The following RIN3 variants were observed in gnomAD, a reference collection of about 807,000 sequenced individuals.
The protein encoded by RIN3 is RAB5 interacting protein 3.
Under a neutral mutation model 76.3 loss-of-function variants are expected in RIN3, and 54 were observed. That is an observed-to-expected ratio of 0.71 (90% CI 0.57 to 0.89). The LOEUF (loss-of-function observed/expected upper bound fraction) is 0.89, where lower values mean the gene tolerates loss of function less well. RIN3 is among the 40% of genes least tolerant of loss of function. RIN3 has a pLI of 0.00. For synonymous variants in RIN3, 576 were observed against 564.0 expected (o/e 1.02, Z -0.30); for missense variants, 1,256 against 1,322.1 (o/e 0.95, Z 0.78).
intron 2 of RIN3, chr14:92,576,472 T>A: frequency 8.3e-7 from 1 of 1,204,556 alleles, no homozygotes; most frequent in South Asian, 1.3e-5. Flanking sequence ...CAGAAGCAAG[T>A]CTTCCTGCTC....
intron 1 of RIN3, among the ~76,000 whole-genome samples, chr14:92,554,511 C>A (rs866722437): frequency 6.6e-6 from 1 of 152,216 alleles, no homozygotes; most frequent in South Asian, 2.1e-4. Context: ...TGTCCTATAT[C>A]AGCACCATCC....
chr14:92,547,101 A>ATCTTTATTTTATTATTATTAT (rs1897290899), intron 1 of RIN3, among the ~76,000 whole-genome samples: 1 of 77,548 alleles, frequency 1.3e-5, no homozygotes, highest in Non-Finnish European at 2.9e-5. Context: ...TATTATAATT[A>ATCTTTATTTTATTATTATTAT]AATAAATTAT....
chr14:92,563,763 C>T (rs768955056), intron 2 of RIN3, among the ~76,000 whole-genome samples: 3 of 152,158 alleles, frequency 2.0e-5, no homozygotes, highest in African/African-American at 4.8e-5. Flanking sequence ...AATTGCTGCT[C>T]TGTGCTATGC....
In RIN3 at chr14:92,623,686, G is replaced by T. The variant is rs927657010; in HGVS notation, c.440+8207G>T. 6.6e-6 allele frequency among the ~76,000 whole-genome samples: 1 copy of T among 152,194 alleles called. No homozygotes were observed. Among genetic ancestry groups the T allele is most frequent in the Non-Finnish European group, 1.5e-5 (1 of 68,032 alleles). On this transcript the variant is annotated intron_variant, in intron 4 of 9. Coordinates refer to ENST00000216487, the MANE Select transcript of RIN3 (RefSeq NM_024832.5). The surrounding 1 kb of genome is among the most constrained non-coding windows in gnomAD (Gnocchi z 4.9). ...GAATTAGAGCACAAGTACCACTCCA[G>T]TTACTTGGCAGAGTGTCTAGCAGGT...
chr14:92,628,958 A>G (rs902262390), intron 4 of RIN3, among the ~76,000 whole-genome samples: 3 of 152,046 alleles, frequency 2.0e-5, no homozygotes, highest in Admixed American at 6.6e-5. Context: ...AAGAGAGAGA[A>G]AAAAAAATGA....
At chr14:92,607,656 A>G (rs1041098991) in intron 3 of RIN3, among the ~76,000 whole-genome samples, 1 of 152,202 alleles carries the variant, frequency 6.6e-6, no homozygotes, top group Non-Finnish European at 1.5e-5. Flanking sequence ...TGACCCAGCA[A>G]TTTCACTCTT....
At chr14:92,601,763 T>G (rs1566862404) in intron 3 of RIN3, among the ~76,000 whole-genome samples, 2 of 152,064 alleles carry the variant, frequency 1.3e-5, no homozygotes, top group African/African-American at 4.8e-5. Context: ...TCCTTCCACC[T>G]CCCCTTCCCC....
chr14:92,606,510 A>T (rs1047072632), intron 3 of RIN3, among the ~76,000 whole-genome samples: 2 of 152,220 alleles, frequency 1.3e-5, no homozygotes, highest in Admixed American at 6.5e-5. Flanking sequence ...ACACCACTGC[A>T]TTCTAGTCTG....
chr14:92,557,349 C>T (rs113154040), intron 2 of RIN3, among the ~76,000 whole-genome samples: 108 of 152,352 alleles, frequency 7.1e-4, no homozygotes, highest in African/African-American at 2.5e-3. Context: ...CCCAGGCAGT[C>T]TGGGTGCCCT....
intron 1 of RIN3, among the ~76,000 whole-genome samples, chr14:92,523,293 T>C (rs1486548766): frequency 6.6e-6 from 1 of 152,164 alleles, no homozygotes; most frequent in Admixed American, 6.5e-5. Context: ...GTATTTTTAG[T>C]AGAGACGGGG....
At chr14:92,569,086 C>G (rs1897992613) in intron 2 of RIN3, among the ~76,000 whole-genome samples, 1 of 152,242 alleles carries the variant, frequency 6.6e-6, no homozygotes, top group Non-Finnish European at 1.5e-5. Context: ...TGCCTCCGTA[C>G]TGTGGACTTG....
intron 3 of RIN3, among the ~76,000 whole-genome samples, chr14:92,610,806 G>C (rs553126118): frequency 5.9e-5 from 9 of 152,274 alleles, no homozygotes; most frequent in African/African-American, 1.9e-4. Context: ...TTTCTGTTGA[G>C]GAGCAATAGG....
At chr14:92,583,864 C>A (rs1034888625) in intron 3 of RIN3, among the ~76,000 whole-genome samples, 42 of 152,160 alleles carry the variant, frequency 2.8e-4, no homozygotes, top group African/African-American at 9.2e-4. Context: ...GCATTAGATT[C>A]TCATAAGGAG....
At chr14:92,621,645 T>A (rs1042304902) in intron 4 of RIN3, among the ~76,000 whole-genome samples, 20 of 151,170 alleles carry the variant, frequency 1.3e-4, no homozygotes, top group African/African-American at 4.8e-4. Flanking sequence ...AGAAAGGAAA[T>A]GTTCATAAAA....
intron 7 of RIN3, among the ~76,000 whole-genome samples, chr14:92,674,039 A>C (rs932089043): frequency 8.6e-5 from 13 of 151,832 alleles, no homozygotes; most frequent in African/African-American, 3.1e-4. Context: ...GGCTATTTTG[A>C]TAAACACATA....
chr14:92,646,233 G>T (rs531480717), intron 5 of RIN3, among the ~76,000 whole-genome samples: 4 of 152,058 alleles, frequency 2.6e-5, no homozygotes, highest in Admixed American at 1.3e-4. Context: ...ACCACTTCCC[G>T]CCCCTCGGCC....
chr14:92,546,966 CTG>C (rs1897280522), intron 1 of RIN3, among the ~76,000 whole-genome samples: 1 of 145,706 alleles, frequency 6.9e-6, no homozygotes, highest in Non-Finnish European at 1.5e-5. Flanking sequence ...AAATAAGAAA[CTG>C]TTTATTTAAA....
chr14:92,613,725 C>T (rs185971162), intron 3 of RIN3, among the ~76,000 whole-genome samples: 11 of 152,256 alleles, frequency 7.2e-5, no homozygotes, highest in Admixed American at 2.6e-4. Flanking sequence ...GGAAAGGGCA[C>T]GCTCTAAGCC....
intron 3 of RIN3, chr14:92,586,715 C>T (rs1366140248): frequency 1.3e-5 from 2 of 152,160 alleles, no homozygotes; most frequent in African/African-American, 4.8e-5. Context: ...GACAGTATGA[C>T]AGGCTTGAAG....
Sources: gnomAD v4.1 joint callset for allele counts (sites outside exome capture counted in the v4.1 genomes callset) on GRCh38, gnomAD v4.1.1 for gene constraint, Gnocchi (gnomAD v3.1) non-coding constraint, MANE v1.5 for transcripts, NCBI Gene and HGNC (gene_info 2026-07-23, HGNC 2026-07-21) for gene names.